The following MYO1B variants were observed in gnomAD, a reference collection of about 807,000 sequenced individuals.
MYO1B encodes the protein myosin IB.
Under a neutral mutation model 159.7 loss-of-function variants are expected in MYO1B, and 72 were observed. The observed-to-expected ratio is 0.45, with a 90% CI of 0.37 to 0.55. MYO1B has a LOEUF of 0.55. MYO1B is among the 20% of genes least tolerant of loss of function. MYO1B has a pLI of 0.00. For missense variants in MYO1B, 1,062 were observed against 1,364.8 expected, an observed-to-expected ratio of 0.78 and a Z score of 3.50; for synonymous variants, 468 against 473.8, an observed-to-expected ratio of 0.99 and a Z score of 0.16.
At chr2:191,364,011 A>G in intron 10 of MYO1B, 136 bp downstream of exon 10, 1 of 1,271,044 alleles carries the variant, frequency 7.9e-7, no homozygotes, top group Non-Finnish European at 1.1e-6. Flanking sequence ...GCAGAAATAG[A>G]ACTGTGGCTA....
chr2:191,278,129 G>A (rs1687855819), intron 2 of MYO1B, among the ~76,000 whole-genome samples: 1 of 152,142 alleles, frequency 6.6e-6, no homozygotes, highest in South Asian at 2.1e-4. Flanking sequence ...CCATAAACTA[G>A]GTGGCTTATA....
intron 3 of MYO1B, among the ~76,000 whole-genome samples, chr2:191,316,312 A>G (rs1690346772): frequency 6.6e-6 from 1 of 152,196 alleles, no homozygotes; most frequent in African/African-American, 2.4e-5. Flanking sequence ...ATGGCCCCTC[A>G]TCTCTACAGA....
intron 1 of MYO1B, chr2:191,247,945 T>TTGC (rs1201099147): frequency 1.0e-6 from 1 of 985,418 alleles, no homozygotes; most frequent in East Asian, 1.1e-4. Flanking sequence ...CTTACCCTGA[T>TTGC]TGCTGCACAG....
At chr2:191,395,684 C>G (rs1190158184) in intron 20 of MYO1B, among the ~76,000 whole-genome samples, 2 of 152,226 alleles carry the variant, frequency 1.3e-5, no homozygotes, top group East Asian at 3.8e-4. Context: ...GCTTGTTGAG[C>G]CAGAGCTGGG....
chr2:191,411,216 GT>G, intron 27 of MYO1B, 44 bp downstream of exon 27: 1 of 1,295,550 alleles, frequency 7.7e-7, no homozygotes, highest in Non-Finnish European at 1.1e-6. Flanking sequence ...GATTATAAAA[GT>G]TTCTCAAGTA....
At chr2:191,310,928 T>G (rs772635820) in intron 3 of MYO1B, among the ~76,000 whole-genome samples, 11 of 152,228 alleles carry the variant, frequency 7.2e-5, no homozygotes, top group Non-Finnish European at 1.0e-4. Flanking sequence ...AAACAGATGT[T>G]AATTCATTTG....
rs762175060 is a variant in MYO1B at position 191,313,192 on chromosome 2, C to CTTTTTTTTTT, written c.252-16717_252-16708dup. Among the ~76,000 whole-genome samples, 316 of 43,012 alleles carry CTTTTTTTTTT rather than the reference C, an allele frequency of 7.3e-3. 62 individuals carry two copies. The highest frequency in any genetic ancestry group is 8.4e-3 in the Non-Finnish European group (225 of 26,758). The allele number at this position is 43,012 out of a possible 152,430, so 28.2% of individuals were successfully genotyped here. ...TAGTTATAATATCTGGCACACATGG[C>CTTTTTTTTTT]TTTTTTTTTTTTTTTTTTTTTTTTT... is the stretch of plus-strand genomic sequence containing the variant. On this transcript the variant is annotated intron_variant, in intron 3 of 30. Transcript: ENST00000392318.
At chr2:191,341,060 C>T (rs1395620077) in intron 4 of MYO1B, among the ~76,000 whole-genome samples, 1 of 152,074 alleles carries the variant, frequency 6.6e-6, no homozygotes, top group Non-Finnish European at 1.5e-5. Flanking sequence ...TGGAACATAT[C>T]TTTGAAGAAG....
chr2:191,348,376 G>A (rs940451644), intron 6 of MYO1B, among the ~76,000 whole-genome samples: 12 of 152,182 alleles, frequency 7.9e-5, no homozygotes, highest in African/African-American at 2.7e-4. Context: ...GTATGTCTAT[G>A]TACACTCCTT....
intron 3 of MYO1B, among the ~76,000 whole-genome samples, chr2:191,320,810 C>G (rs1690661802): frequency 6.6e-6 from 1 of 151,920 alleles, no homozygotes; most frequent in Non-Finnish European, 1.5e-5. Context: ...AGTTGATAGC[C>G]TTTTACCGCT....
Position 191,266,767 on chromosome 2 carries a change from G to T in MYO1B, c.-9-10120G>T, listed in dbSNP as rs535257203. Among the ~76,000 whole-genome samples the T allele has an allele frequency of 2.6e-5, 4 of 152,298 alleles. No homozygotes were observed. In the East Asian group the frequency reaches 7.7e-4, roughly 29 times the overall value. ...TAGAAATTTTGCCCTTACGTCACAA[G>T]TGAGAGTTGGTAACTGGTAATCCAA... On this transcript the variant is annotated intron_variant, in intron 1 of 30. Coordinates refer to ENST00000392318, the MANE Select transcript of MYO1B (RefSeq NM_001130158.3).
chr2:191,259,510 A>G (rs1686668194), intron 1 of MYO1B, among the ~76,000 whole-genome samples: 1 of 152,188 alleles, frequency 6.6e-6, no homozygotes, highest in Non-Finnish European at 1.5e-5. Flanking sequence ...AATAAATTTT[A>G]TAGTTGTGTA....
In MYO1B at chr2:191,313,763, C is replaced by A. The variant is rs190669244; in HGVS notation, c.252-16172C>A. On this transcript the variant is annotated intron_variant, in intron 3 of 30. Coordinates refer to ENST00000392318, the MANE Select transcript of MYO1B (RefSeq NM_001130158.3). ...TGAACTCCTGACCTCAGGTGATACA[C>A]CAGCCTCAGCCTCCCAAAGTGCTGA... Among the ~76,000 whole-genome samples the A allele has an allele frequency of 5.3e-5, 8 of 152,282 alleles. No individual in the cohort carries two copies. In the East Asian group the frequency reaches 1.5e-3, roughly 29 times the overall value.
At chr2:191,412,645 C>T (rs41332844) in intron 27 of MYO1B, among the ~76,000 whole-genome samples, 1 of 152,120 alleles carries the variant, frequency 6.6e-6, no homozygotes, top group African/African-American at 2.4e-5. Flanking sequence ...CCACCCACAA[C>T]ATAAGCATTT....
At chr2:191,358,093 T>A (rs1463762530) in intron 7 of MYO1B, among the ~76,000 whole-genome samples, 1 of 152,190 alleles carries the variant, frequency 6.6e-6, no homozygotes, top group Non-Finnish European at 1.5e-5. Flanking sequence ...TCCAAGTGTT[T>A]AAGGACATTG....
intron 13 of MYO1B, among the ~76,000 whole-genome samples, chr2:191,375,788 G>A (rs1401222983): frequency 4.0e-5 from 6 of 151,816 alleles, no homozygotes; most frequent in South Asian, 2.1e-4. Flanking sequence ...GTGAAACCCC[G>A]TCTCTACTAA....
At position 191,420,452 on chromosome 2, in the gene MYO1B, A is replaced by G. The variant is rs368573344; in HGVS notation, c.3288-3385A>G. ...ACAAGTACACTATTTTTTATCTTTTATGCTATTCTTACTGTACCTTTTCTA... is the reference window on the plus strand; with the variant it reads ...ACAAGTACACTATTTTTTATCTTTTGTGCTATTCTTACTGTACCTTTTCTA... On this transcript the variant is annotated intron_variant, in intron 30 of 30. Transcript: ENST00000392318. Among the ~76,000 whole-genome samples the G allele has an allele frequency of 2.0e-5, 3 of 152,302 alleles. No homozygotes were observed. The South Asian group carries it at 6.2e-4, about 32-fold the overall frequency.
At chr2:191,415,614 TG>T (rs1441419780) in intron 29 of MYO1B, among the ~76,000 whole-genome samples, 3 of 151,540 alleles carry the variant, frequency 2.0e-5, no homozygotes, top group African/African-American at 7.3e-5. Flanking sequence ...GTTTTTTTTT[TG>T]AATAAACCCA....
intron 3 of MYO1B, among the ~76,000 whole-genome samples, chr2:191,327,640 C>G (rs527974888): frequency 1.3e-5 from 2 of 152,298 alleles, no homozygotes; most frequent in East Asian, 3.9e-4. Context: ...GGTGCACAGA[C>G]TGGGGAATCA....
Sources: gnomAD v4.1 joint callset for allele counts (sites outside exome capture counted in the v4.1 genomes callset) on GRCh38, gnomAD v4.1.1 for gene constraint, MANE v1.5 for transcripts, NCBI Gene and HGNC (gene_info 2026-07-23, HGNC 2026-07-21) for gene names.